The following CDH18 variants were observed in gnomAD, a reference collection of about 807,000 sequenced individuals.
CDH18 encodes cadherin-18.
CDH18 carries 31 observed loss-of-function variants against 67.9 expected under a neutral mutation model. The ratio of observed to expected loss-of-function variants is 0.46; its 90% CI spans 0.34 to 0.62. The LOEUF (loss-of-function observed/expected upper bound fraction) is 0.62. Among genes scored for constraint, CDH18 ranks in the 20% least tolerant of loss-of-function variants. The pLI is 0.01. For missense variants in CDH18, 890 were observed against 975.5 expected (o/e 0.91, Z 1.17); for synonymous variants, 362 against 347.2 (o/e 1.04, Z -0.48).
chr5:20,393,907 G>T (rs1488347556), intron 1 of CDH18, among the ~76,000 whole-genome samples: 2 of 151,906 alleles, frequency 1.3e-5, no homozygotes, highest in East Asian at 3.9e-4. Flanking sequence ...AATCATAGAT[G>T]ACACAAACAA....
At chr5:19,782,170 T>A (rs112169594) in intron 3 of CDH18, among the ~76,000 whole-genome samples, 1 of 152,236 alleles carries the variant, frequency 6.6e-6, no homozygotes, top group Non-Finnish European at 1.5e-5. Flanking sequence ...TAGTTCCACA[T>A]GTCTGGGGAG....
chr5:20,320,536 A>T (rs1737909691), intron 1 of CDH18, among the ~76,000 whole-genome samples: 1 of 152,184 alleles, frequency 6.6e-6, no homozygotes, highest in South Asian at 2.1e-4. Context: ...TGTTCTAAGA[A>T]ATTCTAGTCA....
intron 1 of CDH18, among the ~76,000 whole-genome samples, chr5:20,522,383 G>T (rs1441818071): frequency 6.6e-6 from 1 of 152,032 alleles, no homozygotes; most frequent in African/African-American, 2.4e-5. Context: ...TGCTATTAAA[G>T]GTACTTCATA....
chr5:19,674,499 C>T (rs1471412589), intron 5 of CDH18, among the ~76,000 whole-genome samples: 1 of 151,974 alleles, frequency 6.6e-6, no homozygotes, highest in Non-Finnish European at 1.5e-5. Context: ...TTTGTACCTG[C>T]TTGTCTTAAT....
chr5:19,739,943 C>G (rs554321810), intron 4 of CDH18, among the ~76,000 whole-genome samples: 37 of 151,908 alleles, frequency 2.4e-4, no homozygotes, highest in Admixed American at 8.5e-4. Flanking sequence ...GCAAGAAACA[C>G]AGCTGCAAAT....
chr5:19,896,439 G>C (rs572199954), intron 2 of CDH18, among the ~76,000 whole-genome samples: 100 of 152,228 alleles, frequency 6.6e-4, no homozygotes, highest in Non-Finnish European at 1.1e-3. Context: ...CCTTCTAAGA[G>C]AGAGGCAAGG....
rs1579688751 is a variant in CDH18, at chr5:19,480,338, T to C, written c.1882+2963A>G. 2.0e-5 allele frequency among the ~76,000 whole-genome samples: 3 copies of C among 149,708 alleles called. No individual in the cohort carries two copies. In the South Asian group the frequency reaches 6.3e-4, roughly 32 times the overall value. On this transcript the variant is annotated intron_variant, in intron 12 of 12. Coordinates refer to ENST00000382275, the MANE Select transcript of CDH18 (RefSeq NM_004934.5). ...GAAAACAGCAGTTCTGACCAATAAA[T>C]ATATAAAGTTTATTTTATTTATTTA...
intron 2 of CDH18, among the ~76,000 whole-genome samples, chr5:19,868,294 C>T (rs573095126): frequency 5.9e-5 from 9 of 152,238 alleles, no homozygotes; most frequent in African/African-American, 2.2e-4. Context: ...TGTGGGGATC[C>T]AGCTCTTCAG....
chr5:20,059,814 T>C (rs1742301033), intron 2 of CDH18, among the ~76,000 whole-genome samples: 1 of 152,202 alleles, frequency 6.6e-6, no homozygotes, highest in Non-Finnish European at 1.5e-5. Context: ...AATGAGTTTA[T>C]GTCCTTTGCA....
chr5:19,798,710 G>A (rs1777111378), intron 3 of CDH18, among the ~76,000 whole-genome samples: 1 of 151,828 alleles, frequency 6.6e-6, no homozygotes, highest in African/African-American at 2.4e-5. Flanking sequence ...AAAACTACAA[G>A]ATAAATCTTA....
At chr5:20,166,783 T>C (rs1736329089) in intron 2 of CDH18, among the ~76,000 whole-genome samples, 2 of 152,146 alleles carry the variant, frequency 1.3e-5, no homozygotes, top group South Asian at 4.1e-4. Context: ...CTTTCTTCTT[T>C]ATGCAAGCCT....
intron 2 of CDH18, among the ~76,000 whole-genome samples, chr5:20,231,232 C>T (rs546602409): frequency 1.3e-5 from 2 of 152,216 alleles, no homozygotes; most frequent in Admixed American, 1.3e-4. Context: ...GGGTTTAGTT[C>T]CCCCTAGTGG....
At chr5:20,527,339 G>A (rs760472839) in intron 1 of CDH18, among the ~76,000 whole-genome samples, 2 of 151,968 alleles carry the variant, frequency 1.3e-5, no homozygotes, top group South Asian at 2.1e-4. Flanking sequence ...AAACACACTA[G>A]AGAATATCAT....
chr5:20,470,960 A>G (rs1051595710), intron 1 of CDH18, among the ~76,000 whole-genome samples: 2 of 152,106 alleles, frequency 1.3e-5, no homozygotes, highest in African/African-American at 4.8e-5. Context: ...CTGAAATATA[A>G]TCTCCCTTGA....
chr5:20,132,007 C>T (rs1036175092), intron 2 of CDH18, among the ~76,000 whole-genome samples: 5 of 152,088 alleles, frequency 3.3e-5, no homozygotes, highest in Non-Finnish European at 7.4e-5. Context: ...GCTGCCTCAG[C>T]TTCCCAAGTA....
chr5:19,788,710 A>G (rs1219385306), intron 3 of CDH18, among the ~76,000 whole-genome samples: 1 of 152,200 alleles, frequency 6.6e-6, no homozygotes, highest in East Asian at 1.9e-4. Context: ...AAAATATCCA[A>G]AACATTCAAT....
intron 5 of CDH18, among the ~76,000 whole-genome samples, chr5:19,687,899 C>G (rs1419092515): frequency 6.6e-6 from 1 of 152,162 alleles, no homozygotes; most frequent in African/African-American, 2.4e-5. Context: ...CAGCTGATAC[C>G]CATGAACAGT....
rs185324795 is a variant in CDH18, at chr5:19,953,367, G to A, written c.-257+27693C>T. The stretch of plus-strand genomic sequence containing the variant: ...TTTATTAATCAATTAAAGAACTAGA[G>A]TACTGCTTATTGTCTCTCTATTGGT... On this transcript the variant is annotated intron_variant, in intron 2 of 12. Coordinates refer to ENST00000382275, the MANE Select transcript of CDH18 (RefSeq NM_004934.5). 1.2e-4 allele frequency among the ~76,000 whole-genome samples: 19 copies of A among 152,098 alleles called. 1 individual carries two copies. The East Asian group carries it at 1.7e-3, about 14-fold the overall frequency.
intron 2 of CDH18, among the ~76,000 whole-genome samples, chr5:20,075,841 T>G (rs1447840547): frequency 6.6e-6 from 1 of 152,150 alleles, no homozygotes; most frequent in Non-Finnish European, 1.5e-5. Flanking sequence ...AATTTTGACC[T>G]TATAAACATG....
Sources: allele counts gnomAD v4.1 joint callset (sites outside exome capture counted in the v4.1 genomes callset), GRCh38; gene constraint gnomAD v4.1.1; transcripts MANE v1.5; gene names NCBI Gene and HGNC (gene_info 2026-07-23, HGNC 2026-07-21).